The following FAM83G variants were observed in gnomAD, a reference collection of about 807,000 sequenced individuals.
FAM83G encodes the protein scaffolding CK1 anchoring protein G, also known as protein FAM83G.
Under a neutral mutation model 61.5 loss-of-function variants are expected in FAM83G, and 38 were observed. The ratio of observed to expected loss-of-function variants is 0.62; its 90% CI spans 0.48 to 0.81. The LOEUF is 0.81. FAM83G is among the 30% of genes least tolerant of loss of function. The pLI is 0.00. For missense variants in FAM83G, 989 were observed against 1,133.6 expected (o/e 0.87, Z 1.83); for synonymous variants, 470 against 476.1 (o/e 0.99, Z 0.17).
intron 2 of FAM83G, among the ~76,000 whole-genome samples, chr17:19,001,907 C>A (rs2043738966): frequency 6.6e-6 from 1 of 152,154 alleles, no homozygotes; most frequent in South Asian, 2.1e-4. Flanking sequence ...CACAGCAGGT[C>A]CCCCTACCCA....
At chr17:18,993,111 G>T (rs2043470368) in intron 2 of FAM83G, among the ~76,000 whole-genome samples, 1 of 152,158 alleles carries the variant, frequency 6.6e-6, no homozygotes, top group African/African-American at 2.4e-5. Context: ...AACCACGGGT[G>T]CACAGGCCCA....
upstream of FAM83G, among the ~76,000 whole-genome samples, chr17:19,005,109 C>G (rs1473049348): frequency 6.6e-6 from 1 of 152,132 alleles, no homozygotes; most frequent in Admixed American, 6.5e-5. Flanking sequence ...GGCGGGAAGT[C>G]CGTGCGGCTG....
intron 2 of FAM83G, among the ~76,000 whole-genome samples, chr17:18,989,034 T>C (rs1212576482): frequency 6.6e-6 from 1 of 152,204 alleles, no homozygotes; most frequent in Non-Finnish European, 1.5e-5. Flanking sequence ...TCAGTGACTG[T>C]CAGGCTTCTC....
rs762265324 is a variant in FAM83G at position 18,978,840 on chromosome 17, A to G, written c.826T>C (p.Ser276Pro). The change falls in exon 5 of 6, where the codon TCG becomes CCG. Residue 276 changes from serine to proline, a missense_variant. Around this residue, in one of 3 missense-constraint regions of FAM83G, gnomAD observed 371 missense variants for 404.5 expected, o/e 0.92. Transcript: ENST00000388995. ...AVCGSYSFTW[S>P]AARTDRNVIS... ...ACATTCCGGTCCGTCCGCGCGGCCG[A>G]CCACGTGAAGCTGCAACAGAGGGAG... is the stretch of plus-strand genomic sequence containing the variant. 8 of 1,611,644 alleles carry G rather than the reference A, an allele frequency of 5.0e-6. No homozygotes were observed. Among genetic ancestry groups the G allele is most frequent in the Non-Finnish European group, 6.8e-6 (8 of 1,179,032 alleles).
At chr17:18,981,831 C>T (rs569312013) in intron 3 of FAM83G, among the ~76,000 whole-genome samples, 16 of 152,262 alleles carry the variant, frequency 1.1e-4, no homozygotes, top group Admixed American at 5.2e-4. Context: ...TGGCCACGGC[C>T]CAGGACAATT....
chr17:18,970,926 T>G lies in FAM83G; in HGVS notation c.*433A>C. On this transcript the variant is annotated 3_prime_UTR_variant, in exon 6 of 6. Transcript: ENST00000388995. The stretch of plus-strand genomic sequence containing the variant: ...ACTCAAGTTTGATGCATCAGGAAGT[T>G]TCTTGTGAGATGAAGGCAGGGGGGA... The G allele has an allele frequency of 7.6e-7, 1 of 1,317,882 alleles. No individual in the cohort carries two copies. The highest frequency in any genetic ancestry group is 1.1e-6 in the Non-Finnish European group (1 of 923,900). The allele number at this position is 1,317,882 out of a possible 1,614,324, so 81.6% of individuals were successfully genotyped here.
intron 2 of FAM83G, among the ~76,000 whole-genome samples, chr17:18,994,683 G>C (rs976212112): frequency 1.3e-5 from 2 of 152,146 alleles, no homozygotes; most frequent in African/African-American, 4.8e-5. Context: ...GGTCCTGCAG[G>C]GGGTGTCCTC....
chr17:19,002,482 G>C (rs2043755797), intron 2 of FAM83G, among the ~76,000 whole-genome samples: 1 of 152,238 alleles, frequency 6.6e-6, no homozygotes, highest in Non-Finnish European at 1.5e-5. Context: ...CAGCATTCTG[G>C]TCTTCTGCAA....
chr17:18,978,109 G>A lies in FAM83G; in HGVS notation c.1557C>T (p.Asp519=), dbSNP rs775076039. 2 of 1,517,566 alleles carry A rather than the reference G, an allele frequency of 1.3e-6. No homozygotes were observed. The highest frequency in any genetic ancestry group is 1.8e-6 in the Non-Finnish European group (2 of 1,137,168). 94.0% of individuals were successfully genotyped at this position (1,517,566 alleles called of 1,614,324 possible). The change falls in exon 5 of 6, where the codon GAC becomes GAT. Residue 519 remains aspartate, a synonymous_variant. Coordinates refer to ENST00000388995, the MANE Select transcript of FAM83G (RefSeq NM_001039999.3). ...TVPVADVLAR[D]SSDIGWVLEL... is the part of the protein sequence containing the mutation. ...CCAGGACCCAGCCAATATCACTGCT[G>A]TCCCGGGCTAGTACATCTGCCACAG...
chr17:18,971,757 GA>G lies in FAM83G; in HGVS notation c.2083-10del. On this transcript the variant is annotated splice_polypyrimidine_tract_variant and intron_variant, in intron 5 of 5. Transcript: ENST00000388995. This position sits in a 1 kb window ranked among gnomAD's most constrained non-coding sequence, Gnocchi z 5.5. Reference sequence around the variant, plus strand: ...TGATGAAACTGCTGGCCCTGGGAGAGAGAGAGCAGAGAGTGAGGCTGAGCAA... The same window carrying G: ...TGATGAAACTGCTGGCCCTGGGAGAGGAGAGCAGAGAGTGAGGCTGAGCAA... The G allele has an allele frequency of 6.5e-7, 1 of 1,548,342 alleles. No individual in the cohort carries two copies. The highest frequency in any genetic ancestry group is 1.4e-5 in the African/African-American group (1 of 73,272).
chr17:18,984,744 T>C (rs2152126295), intron 3 of FAM83G, among the ~76,000 whole-genome samples: 1 of 152,330 alleles, frequency 6.6e-6, no homozygotes, highest in Non-Finnish European at 1.5e-5. Flanking sequence ...CCACACCCAG[T>C]ATCACCCCCA....
In FAM83G at chr17:18,978,506, T is replaced by A; in HGVS notation, c.1160A>T (p.Glu387Val). The A allele has an allele frequency of 1.9e-6, 3 of 1,613,144 alleles. No homozygotes were observed. The highest frequency in any genetic ancestry group is 2.5e-6 in the Non-Finnish European group (3 of 1,179,876). ...KGPALAEHPG[E>V]LPELLPPIHP... ...GATGGGTGGCAGCAGCTCGGGGAGT[T>A]CCCCTGGATGCTCAGCCAGCGCTGG... is the stretch of plus-strand genomic sequence containing the variant. The change falls in exon 5 of 6, where the codon GAA becomes GTA. Residue 387 changes from glutamate (E) to valine (V), a missense_variant. By Grantham distance (121) the Glu-to-Val change is moderately radical. Coordinates refer to ENST00000388995, the MANE Select transcript of FAM83G (RefSeq NM_001039999.3).
chr17:18,987,673 C>T (rs1342449311), intron 3 of FAM83G, among the ~76,000 whole-genome samples: 2 of 152,236 alleles, frequency 1.3e-5, no homozygotes, highest in East Asian at 1.9e-4. Flanking sequence ...ATGGTTTCCC[C>T]CACCCCAAAG....
At chr17:18,990,231 A>C (rs2043379410) in intron 2 of FAM83G, among the ~76,000 whole-genome samples, 1 of 152,120 alleles carries the variant, frequency 6.6e-6, no homozygotes, top group African/African-American at 2.4e-5. Context: ...ATGTTCAAGG[A>C]AGGCCAGAGA....
intron 2 of FAM83G, among the ~76,000 whole-genome samples, chr17:19,001,249 A>G (rs1050586320): frequency 5.9e-5 from 9 of 152,242 alleles, no homozygotes; most frequent in Admixed American, 5.9e-4. Context: ...GGAAGTGCCC[A>G]GGGCAGAAAG....
chr17:19,005,042 C>T (rs2043845022), upstream of FAM83G, among the ~76,000 whole-genome samples: 1 of 152,202 alleles, frequency 6.6e-6, no homozygotes, highest in African/African-American at 2.4e-5. Context: ...CCCCTGTGCC[C>T]CCAGGGTCTG....
In FAM83G at chr17:19,003,511, C is replaced by T. The variant is rs763070393; in HGVS notation, c.522+9G>A. 6.6e-7 allele frequency: 1 copy of T among 1,521,410 alleles called. No homozygotes were observed. The highest frequency in any genetic ancestry group is 2.3e-5 in the East Asian group (1 of 43,668). The allele number at this position is 1,521,410 out of a possible 1,614,324, so 94.2% of individuals were successfully genotyped here. On this transcript the variant is annotated intron_variant, in intron 2 of 5. Transcript: ENST00000388995. This position sits in a 1 kb window ranked among gnomAD's most constrained non-coding sequence, Gnocchi z 4.5. Reference sequence around the variant, plus strand: ...GGCCATGGCTCCAGGAGTCCCCGCGCTGCCTCACCTTCTGTGCCTGGCTGA... The same window carrying T: ...GGCCATGGCTCCAGGAGTCCCCGCGTTGCCTCACCTTCTGTGCCTGGCTGA...
At position 18,971,881 on chromosome 17, in the gene FAM83G, G is replaced by T; in HGVS notation, c.2083-133C>A. The T allele has an allele frequency of 1.1e-6, 1 of 916,578 alleles. No homozygotes were observed. The highest frequency in any genetic ancestry group is 1.6e-6 in the Non-Finnish European group (1 of 625,010). 56.8% of individuals were successfully genotyped at this position (916,578 alleles called of 1,614,324 possible). A position where few individuals can be genotyped will look rare whatever the true frequency, so the allele number is the denominator to read the frequency against. On this transcript the variant is annotated intron_variant, in intron 5 of 5. Transcript: ENST00000388995. This position sits in a 1 kb window ranked among gnomAD's most constrained non-coding sequence, Gnocchi z 5.5. ...TGGCTCTGCCATTCACCAGGGAGTG[G>T]GCCTAGACCAGTTGGTTTAGTCACT...
intron 2 of FAM83G, among the ~76,000 whole-genome samples, chr17:18,999,361 G>A (rs1363803736): frequency 1.3e-5 from 2 of 152,184 alleles, no homozygotes; most frequent in East Asian, 1.9e-4. Flanking sequence ...TCCCATGCAG[G>A]GGTAGGGCTC....
Sources: gnomAD v4.1 joint callset for allele counts (sites outside exome capture counted in the v4.1 genomes callset) on GRCh38, gnomAD v4.1.1 for gene constraint, gnomAD v4.1.1 regional missense constraint, Gnocchi (gnomAD v3.1) non-coding constraint, MANE v1.5 for transcripts, NCBI Gene and HGNC (gene_info 2026-07-23, HGNC 2026-07-21) for gene names.